The following FARS2 variants were observed in gnomAD, a reference collection of about 807,000 sequenced individuals.
The protein encoded by FARS2 is phenylalanyl-tRNA synthetase 2, mitochondrial, also known as phenylalanine--tRNA ligase, mitochondrial.
Under a neutral mutation model 46.4 loss-of-function variants are expected in FARS2, and 40 were observed. That is an observed-to-expected ratio of 0.86 (90% CI 0.67 to 1.12). The LOEUF is 1.12. Ranked by LOEUF, FARS2 falls within the 50% of genes most tolerant of loss-of-function variation. The pLI, the probability that FARS2 is intolerant of heterozygous loss-of-function variation, is 0.00. For missense variants in FARS2, 513 were observed against 567.9 expected, an observed-to-expected ratio of 0.90 and a Z score of 0.98; for synonymous variants, 234 against 214.9, an observed-to-expected ratio of 1.09 and a Z score of -0.78.
intron 2 of FARS2, among the ~76,000 whole-genome samples, chr6:5,398,385 C>T (rs911208089): frequency 6.6e-6 from 1 of 151,984 alleles, no homozygotes; most frequent in Non-Finnish European, 1.5e-5. Flanking sequence ...GGGTTATAAC[C>T]TATTACTAAA....
intron 5 of FARS2, among the ~76,000 whole-genome samples, chr6:5,577,082 TA>T (rs35867296): frequency 0.57 from 85,792 of 151,802 alleles, 24,309 homozygotes; most frequent in Non-Finnish European, 0.6. Context: ...AAAGAGACTG[TA>T]AAAAAACAAT....
At chr6:5,283,597 A>G (rs1011281069) in intron 1 of FARS2, among the ~76,000 whole-genome samples, 1 of 152,032 alleles carries the variant, frequency 6.6e-6, no homozygotes, top group Non-Finnish European at 1.5e-5. Flanking sequence ...CAGGATGAAA[A>G]ATCAGCTTCT....
intron 4 of FARS2, among the ~76,000 whole-genome samples, chr6:5,504,894 C>T (rs963956030): frequency 2.1e-4 from 32 of 152,104 alleles, no homozygotes; most frequent in African/African-American, 3.4e-4. Context: ...GGCACAATCT[C>T]GGCTCACTGC....
At chr6:5,506,821 T>C (rs1768128309) in intron 4 of FARS2, among the ~76,000 whole-genome samples, 1 of 152,194 alleles carries the variant, frequency 6.6e-6, no homozygotes, top group Non-Finnish European at 1.5e-5. Flanking sequence ...TCGTGAACAA[T>C]AAGATAGCAG....
chr6:5,755,725 A>G (rs1208833413), intron 6 of FARS2, among the ~76,000 whole-genome samples: 2 of 152,030 alleles, frequency 1.3e-5, no homozygotes, highest in South Asian at 4.2e-4. Context: ...GGTTATGTTC[A>G]TTGGAGCATA....
At chr6:5,654,593 G>A (rs970012737) in intron 6 of FARS2, among the ~76,000 whole-genome samples, 3 of 152,066 alleles carry the variant, frequency 2.0e-5, no homozygotes, top group Non-Finnish European at 4.4e-5. Flanking sequence ...ACTCTTCAAG[G>A]GTGGATTCCA....
In FARS2 at chr6:5,406,658, C is replaced by A. The variant is rs116629514; in HGVS notation, c.772+1957C>A. On this transcript the variant is annotated intron_variant, in intron 3 of 6. Transcript: ENST00000274680. ...GTATCCCATTCCACGATTTGTTTATCCATACATTCATTGATAGGTATCTGG... is the reference window on the plus strand; with the variant it reads ...GTATCCCATTCCACGATTTGTTTATACATACATTCATTGATAGGTATCTGG... Among the ~76,000 whole-genome samples, 828 of 152,138 alleles carry A rather than the reference C, an allele frequency of 5.4e-3. 6 individuals carry two copies. The highest frequency in any genetic ancestry group is 0.019 in the African/African-American group (780 of 41,490).
intron 6 of FARS2, among the ~76,000 whole-genome samples, chr6:5,686,374 C>A (rs1223272682): frequency 6.6e-6 from 1 of 151,176 alleles, no homozygotes; most frequent in African/African-American, 2.5e-5. Context: ...CGCAACAGGC[C>A]CCAGTGTGTG....
intron 4 of FARS2, among the ~76,000 whole-genome samples, chr6:5,445,965 C>A (rs556417765): frequency 2.6e-5 from 4 of 152,014 alleles, no homozygotes; most frequent in Admixed American, 2.0e-4. Context: ...TTGGGGAGGC[C>A]GAGGCAGGCA....
At chr6:5,503,267 A>G (rs1434590071) in intron 4 of FARS2, among the ~76,000 whole-genome samples, 1 of 151,500 alleles carries the variant, frequency 6.6e-6, no homozygotes, top group Admixed American at 6.6e-5. Context: ...AAAGACATGA[A>G]GTTGCAGTTA....
intron 1 of FARS2, among the ~76,000 whole-genome samples, chr6:5,317,337 C>T (rs186783362): frequency 2.6e-5 from 4 of 152,182 alleles, no homozygotes; most frequent in Non-Finnish European, 5.9e-5. Context: ...CCCACAGGCC[C>T]AGACTCAGGC....
In FARS2 at chr6:5,332,613, A is replaced by G. The variant is rs903473451; in HGVS notation, c.-21-35937A>G. On this transcript the variant is annotated intron_variant, in intron 1 of 6. Coordinates refer to ENST00000274680, the MANE Select transcript of FARS2 (RefSeq NM_006567.5). The stretch of plus-strand genomic sequence containing the variant: ...AACATCACTTGTTTTATTTAAAATC[A>G]CGCTAACTCAGAGAACCTTACTGTT... 4.6e-5 allele frequency among the ~76,000 whole-genome samples: 7 copies of G among 152,344 alleles called. No individual in the cohort carries two copies. The South Asian group carries it at 1.2e-3, about 27-fold the overall frequency.
At chr6:5,410,918 G>A (rs1582026180) in intron 3 of FARS2, among the ~76,000 whole-genome samples, 1 of 152,230 alleles carries the variant, frequency 6.6e-6, no homozygotes, top group East Asian at 1.9e-4. Flanking sequence ...TCAGATGCAG[G>A]AACCTAGACA....
At chr6:5,600,293 A>G (rs1332781889) in intron 5 of FARS2, among the ~76,000 whole-genome samples, 1 of 152,240 alleles carries the variant, frequency 6.6e-6, no homozygotes, top group Non-Finnish European at 1.5e-5. Flanking sequence ...ATTACAATTT[A>G]GAGGGATGTT....
Position 5,565,363 on chromosome 6 carries a change from ACTTT to A in FARS2, c.1065+20028_1065+20031del, listed in dbSNP as rs368973356. On this transcript the variant is annotated intron_variant, in intron 5 of 6. Coordinates refer to ENST00000274680, the MANE Select transcript of FARS2 (RefSeq NM_006567.5). ...CATGTCAGTTTTTTATGAGCTCTGT[ACTTT>A]CTTTATTTCAATATTACAATCTTTA... Among the ~76,000 whole-genome samples the A allele has an allele frequency of 4.5e-3, 681 of 151,984 alleles. 7 individuals are homozygous for A. The highest frequency in any genetic ancestry group is 0.015 in the African/African-American group (622 of 41,290).
chr6:5,270,324 T>A (rs1478647580), intron 1 of FARS2, among the ~76,000 whole-genome samples: 4 of 152,224 alleles, frequency 2.6e-5, no homozygotes, highest in Non-Finnish European at 5.9e-5. Flanking sequence ...GAATCCCACT[T>A]ACACCCTTGG....
chr6:5,387,735 C>G (rs537493791), intron 2 of FARS2, among the ~76,000 whole-genome samples: 2 of 152,312 alleles, frequency 1.3e-5, no homozygotes, highest in East Asian at 3.9e-4. Flanking sequence ...TGTTATCCTT[C>G]TAGAGCTCTT....
intron 4 of FARS2, among the ~76,000 whole-genome samples, chr6:5,444,739 A>G (rs923544446): frequency 1.3e-5 from 2 of 151,860 alleles, no homozygotes; most frequent in Non-Finnish European, 2.9e-5. Flanking sequence ...CCTCATCCCA[A>G]TGTTCGTTAT....
chr6:5,386,878 G>A (rs1011980800), intron 2 of FARS2, among the ~76,000 whole-genome samples: 2 of 152,132 alleles, frequency 1.3e-5, no homozygotes, highest in African/African-American at 4.8e-5. Context: ...CGCCTGGGGT[G>A]GAGGTGGAGA....
Sources: allele counts gnomAD v4.1 joint callset (sites outside exome capture counted in the v4.1 genomes callset), GRCh38; gene constraint gnomAD v4.1.1; transcripts MANE v1.5; gene names NCBI Gene and HGNC (gene_info 2026-07-23, HGNC 2026-07-21).